Variants in CDH13 observed in about 807,000 individuals in gnomAD.
The protein encoded by CDH13 is cadherin 13, also known as cadherin-13.
In CDH13, 24 loss-of-function variants were observed where a neutral mutation model predicts 63.8. The ratio of observed to expected loss-of-function variants is 0.38; its 90% CI spans 0.27 to 0.53. The LOEUF (loss-of-function observed/expected upper bound fraction) is 0.53. Ranked by LOEUF, CDH13 falls within the 20% of genes least tolerant of loss-of-function variation. The probability of loss-of-function intolerance (pLI) is 0.85; values close to 1 mark genes in which losing one functional copy is unlikely to be tolerated. For synonymous variants in CDH13, 503 were observed against 355.3 expected (o/e 1.42, Z -4.67); for missense variants, 1,049 against 903.1 (o/e 1.16, Z -2.07).
chr16:83,408,756 C>T (rs1019716935), intron 6 of CDH13, among the ~76,000 whole-genome samples: 1 of 152,178 alleles, frequency 6.6e-6, no homozygotes, highest in Non-Finnish European at 1.5e-5. Context: ...TCAGTTAAAG[C>T]AAGTCAGCCT....
chr16:83,414,361 C>A (rs900766132), intron 6 of CDH13, among the ~76,000 whole-genome samples: 1 of 152,108 alleles, frequency 6.6e-6, no homozygotes, highest in Non-Finnish European at 1.5e-5. Flanking sequence ...GCAACCACCA[C>A]CACAGTCTGA....
intron 3 of CDH13, among the ~76,000 whole-genome samples, chr16:83,105,085 G>A (rs556885974): frequency 2.0e-5 from 3 of 152,056 alleles, no homozygotes; most frequent in Non-Finnish European, 4.4e-5. Flanking sequence ...GTGCCATGGC[G>A]GTTTGCTGCA....
intron 2 of CDH13, among the ~76,000 whole-genome samples, chr16:82,945,430 G>A (rs1450336782): frequency 3.3e-5 from 5 of 152,142 alleles, no homozygotes; most frequent in African/African-American, 9.7e-5. Context: ...ATGTTTCCTA[G>A]GCCACTGACT....
At chr16:82,734,998 G>C (rs1330430549) in intron 1 of CDH13, among the ~76,000 whole-genome samples, 1 of 152,176 alleles carries the variant, frequency 6.6e-6, no homozygotes, top group East Asian at 1.9e-4. Flanking sequence ...TAATTAGGAG[G>C]CTACTCCGGA....
At chr16:83,126,180 A>C (rs2035804175) in intron 4 of CDH13, among the ~76,000 whole-genome samples, 1 of 152,212 alleles carries the variant, frequency 6.6e-6, no homozygotes, top group Non-Finnish European at 1.5e-5. Context: ...CACTCAGGAA[A>C]AGAGTTTTCT....
chr16:83,236,026 T>C (rs924162155), intron 5 of CDH13, among the ~76,000 whole-genome samples: 17 of 152,218 alleles, frequency 1.1e-4, no homozygotes, highest in African/African-American at 3.6e-4. Flanking sequence ...AATTTGCATT[T>C]AAATGCGTTT....
At chr16:83,365,370 A>AT (rs2091239562) in intron 6 of CDH13, among the ~76,000 whole-genome samples, 1 of 152,216 alleles carries the variant, frequency 6.6e-6, no homozygotes, top group Non-Finnish European at 1.5e-5. Flanking sequence ...AGGAAGGGTC[A>AT]TTTCCTTTTC....
At chr16:82,699,361 C>A (rs2030711860) in intron 1 of CDH13, among the ~76,000 whole-genome samples, 1 of 152,146 alleles carries the variant, frequency 6.6e-6, no homozygotes, top group African/African-American at 2.4e-5. Flanking sequence ...TCAGCTCCAT[C>A]CTCCTGAGAA....
At chr16:83,160,525 C>A (rs1422942446) in intron 4 of CDH13, among the ~76,000 whole-genome samples, 1 of 152,058 alleles carries the variant, frequency 6.6e-6, no homozygotes, top group Non-Finnish European at 1.5e-5. Context: ...TGACCCATGA[C>A]GTATGGACGT....
chr16:83,004,623 A>T (rs1913288650), intron 2 of CDH13, among the ~76,000 whole-genome samples: 1 of 151,888 alleles, frequency 6.6e-6, no homozygotes, highest in Non-Finnish European at 1.5e-5. Context: ...TCAGCTTCCC[A>T]AGCAGCTAGG....
chr16:83,031,882 A>T (rs2151474020), intron 2 of CDH13, 128 bp from the exon 3 acceptor site: 1 of 728,510 alleles, frequency 1.4e-6, no homozygotes, highest in South Asian at 1.8e-5. Context: ...CTGTGGGATA[A>T]AACGTAACAT....
chr16:83,771,643 T>G (rs1410654070), intron 11 of CDH13, among the ~76,000 whole-genome samples: 1 of 152,196 alleles, frequency 6.6e-6, no homozygotes, highest in Non-Finnish European at 1.5e-5. Flanking sequence ...GACTTGCCAT[T>G]GTATGGCAGC....
chr16:83,441,957 T>C (rs2151496273), intron 6 of CDH13, among the ~76,000 whole-genome samples: 1 of 152,240 alleles, frequency 6.6e-6, no homozygotes, highest in South Asian at 2.1e-4. Flanking sequence ...GCTTTATCTA[T>C]AAGGAGGCTG....
intron 6 of CDH13, among the ~76,000 whole-genome samples, chr16:83,467,858 C>G (rs2073355946): frequency 6.6e-6 from 1 of 152,200 alleles, no homozygotes; most frequent in South Asian, 2.1e-4. Context: ...CACACTGGTA[C>G]TCAGCACAGT....
chr16:83,333,708 G>A (rs1851411385), intron 5 of CDH13, among the ~76,000 whole-genome samples: 1 of 152,128 alleles, frequency 6.6e-6, no homozygotes. Flanking sequence ...TGTTGCTATG[G>A]TGGAAACTAA....
In CDH13 at chr16:82,901,465, T is replaced by C. The variant is rs1267054904; in HGVS notation, c.157+42992T>C. Among the ~76,000 whole-genome samples, 4 of 151,776 alleles carry C rather than the reference T, an allele frequency of 2.6e-5. No individual in the cohort carries two copies. The East Asian group carries it at 7.7e-4, about 29-fold the overall frequency. On this transcript the variant is annotated intron_variant, in intron 2 of 13. Transcript: ENST00000567109. Reference sequence around the variant, plus strand: ...ACCTGACAAAGATGGTGGGCTGAGATAGCCGTGTAAAGCTAAAACAGAAAT... The same window carrying C: ...ACCTGACAAAGATGGTGGGCTGAGACAGCCGTGTAAAGCTAAAACAGAAAT...
chr16:83,274,842 A>G (rs1559437), intron 5 of CDH13, among the ~76,000 whole-genome samples: 142,860 of 152,234 alleles, frequency 0.94, 67,064 homozygotes, highest in Non-Finnish European at 0.95. Context: ...AGCTCCCAGG[A>G]TGAATTTTGA....
intron 11 of CDH13, among the ~76,000 whole-genome samples, chr16:83,764,083 T>C (rs899961802): frequency 2.6e-5 from 4 of 152,200 alleles, no homozygotes; most frequent in Non-Finnish European, 5.9e-5. Context: ...TTCCCAGTAC[T>C]CCTAAGCATA....
intron 6 of CDH13, among the ~76,000 whole-genome samples, chr16:83,353,104 A>G (rs974999378): frequency 3.3e-5 from 5 of 152,210 alleles, no homozygotes; most frequent in African/African-American, 1.2e-4. Flanking sequence ...ACGTGTGAGA[A>G]ATTGCTTAAT....
Sources: gnomAD v4.1 joint callset for allele counts (sites outside exome capture counted in the v4.1 genomes callset) on GRCh38, gnomAD v4.1.1 for gene constraint, MANE v1.5 for transcripts, NCBI Gene and HGNC (gene_info 2026-07-23, HGNC 2026-07-21) for gene names.